Variants in ATP10D observed in about 807,000 individuals in gnomAD.
The protein encoded by ATP10D is phospholipid-transporting ATPase VD.
ATP10D carries 89 observed loss-of-function variants against 144.8 expected under a neutral mutation model. That is an observed-to-expected ratio of 0.61 (90% CI 0.52 to 0.73). The LOEUF is 0.73. Among genes scored for constraint, ATP10D ranks in the 30% least tolerant of loss-of-function variants. The pLI, the probability that ATP10D is intolerant of heterozygous loss-of-function variation, is 0.00. For missense variants in ATP10D, 1,603 were observed against 1,714.8 expected (o/e 0.93, Z 1.15); for synonymous variants, 571 against 615.1 (o/e 0.93, Z 1.06).
chr4:47,495,879 C>A (rs187360350), intron 1 of ATP10D, among the ~76,000 whole-genome samples: 51 of 151,716 alleles, frequency 3.4e-4, no homozygotes, highest in South Asian at 1.9e-3. Flanking sequence ...CTGGGATTAC[C>A]GGCATGCGCC....
At position 47,502,140 on chromosome 4, in the gene ATP10D, T is replaced by C. The variant is rs190415038; in HGVS notation, c.-37-10364T>C. ...TAGCCTAAACCAGCTTTGAGCCTAA[T>C]TATTCATAAACAGTGAATAATTGGA... On this transcript the variant is annotated intron_variant, in intron 1 of 22. Transcript: ENST00000273859. Among the ~76,000 whole-genome samples the C allele has an allele frequency of 3.9e-4, 59 of 152,292 alleles. No individual in the cohort carries two copies. The East Asian group carries it at 0.01, about 27-fold the overall frequency.
rs766733094 is a variant in ATP10D, at chr4:47,536,033, G to T, written c.1015G>T (p.Gly339Cys). 7 of 1,602,168 alleles carry T rather than the reference G, an allele frequency of 4.4e-6. No homozygotes were observed. The highest frequency in any genetic ancestry group is 3.5e-5 in the Admixed American group (2 of 56,932). ...LVIMCLTGAVGHGIWLSRYEK... is the reference protein window; with the variant it reads ...LVIMCLTGAVCHGIWLSRYEK... ...CATAATGTGCTTAACTGGCGCAGTA[G>T]GTAGGTAAAATTTGATTATTTGCTG... Residue 339 changes from glycine (G) to cysteine (C), a missense_variant and splice_region_variant, in exon 7 of 23, where the codon GGT (glycine) becomes TGT (cysteine). Physicochemically the swap from Gly to Cys is radical, Grantham distance 159. Transcript: ENST00000273859.
At position 47,591,051 on chromosome 4, in the gene ATP10D, C is replaced by T. The variant is rs761263984; in HGVS notation, c.3951C>T (p.Tyr1317=). 6.3e-7 allele frequency: 1 copy of T among 1,598,094 alleles called. No individual in the cohort carries two copies. Among genetic ancestry groups the T allele is most frequent in the South Asian group, 1.1e-5 (1 of 89,240 alleles). ...TSIALLPRFV[Y]RVLQGSLFPS... is the part of the protein sequence containing the mutation. ...GTTCCTTGTCACCTAGGTTTGTATA[C>T]AGAGTTCTTCAGGGATCCCTGTTTC... Residue 1317 remains tyrosine (Y), a synonymous_variant, in exon 23 of 23, where the codon TAC becomes TAT. Coordinates refer to ENST00000273859, the MANE Select transcript of ATP10D (RefSeq NM_020453.4).
intron 22 of ATP10D, among the ~76,000 whole-genome samples, chr4:47,587,419 A>C (rs1350196454): frequency 1.3e-5 from 2 of 152,100 alleles, no homozygotes; most frequent in African/African-American, 4.8e-5. Flanking sequence ...TCTCATGAAA[A>C]AGTTTATCTG....
intron 3 of ATP10D, among the ~76,000 whole-genome samples, chr4:47,516,168 TG>T (rs1304004750): frequency 6.6e-6 from 1 of 151,502 alleles, no homozygotes; most frequent in East Asian, 1.9e-4. Context: ...AGGGGGAGGT[TG>T]CAGTGAGCCG....
intron 4 of ATP10D, 26 bp downstream of exon 4, chr4:47,523,242 G>T (rs113184821): frequency 6.3e-7 from 1 of 1,583,262 alleles, no homozygotes; most frequent in Non-Finnish European, 8.7e-7. Flanking sequence ...TCAGTTAGTG[G>T]CTTATTAACA....
intron 16 of ATP10D, among the ~76,000 whole-genome samples, chr4:47,571,306 T>TATATATA: frequency 6.7e-6 from 1 of 148,480 alleles, no homozygotes; most frequent in East Asian, 1.9e-4. Flanking sequence ...TCATATACAT[T>TATATATA]ATATATAATA....
intron 1 of ATP10D, among the ~76,000 whole-genome samples, chr4:47,504,861 T>TA (rs1236445119): frequency 2.6e-5 from 4 of 152,242 alleles, no homozygotes; most frequent in Non-Finnish European, 5.9e-5. Context: ...AATCCATAGA[T>TA]ACGAAATTTC....
chr4:47,551,038 G>A (rs924880947), intron 10 of ATP10D, among the ~76,000 whole-genome samples: 2 of 152,222 alleles, frequency 1.3e-5, no homozygotes, highest in East Asian at 1.9e-4. Context: ...TGTCCCTCCC[G>A]CTGTCCTCTC....
At chr4:47,519,625 C>T (rs79652323) in intron 3 of ATP10D, among the ~76,000 whole-genome samples, 2 of 152,348 alleles carry the variant, frequency 1.3e-5, no homozygotes, top group East Asian at 3.9e-4. Context: ...TCCCACCGTG[C>T]TCTCTGAAGC....
At chr4:47,542,509 T>C (rs73140035) in intron 9 of ATP10D, among the ~76,000 whole-genome samples, 2,888 of 152,070 alleles carry the variant, frequency 0.019, 98 homozygotes, top group African/African-American at 0.064. Flanking sequence ...TGAGAAGGAG[T>C]CTAGTCTCGC....
chr4:47,535,470 G>A (rs750081812), intron 5 of ATP10D, 39 bp from the exon 6 acceptor site: 2 of 1,474,108 alleles, frequency 1.4e-6, no homozygotes, highest in Non-Finnish European at 1.9e-6. Flanking sequence ...CCCCACTTTT[G>A]CTGTTTAAAA....
chr4:47,504,026 A>T (rs554527776), intron 1 of ATP10D, among the ~76,000 whole-genome samples: 6 of 152,352 alleles, frequency 3.9e-5, no homozygotes, highest in African/African-American at 1.4e-4. Context: ...ATGTACTCCT[A>T]CTGGGGATTT....
chr4:47,587,402 A>G (rs1357042518), intron 22 of ATP10D, among the ~76,000 whole-genome samples, 196 bp downstream of exon 22: 1 of 152,130 alleles, frequency 6.6e-6, no homozygotes, highest in Non-Finnish European at 1.5e-5. Flanking sequence ...CGAGAGACTG[A>G]TTTATCTCTC....
At chr4:47,586,909 A>G (rs965169143) in intron 21 of ATP10D, 110 bp from the exon 22 acceptor site, 16 of 922,684 alleles carry the variant, frequency 1.7e-5, no homozygotes, top group Non-Finnish European at 2.3e-5. Flanking sequence ...TTGTTACACC[A>G]TTCATCCAGT....
At chr4:47,577,058 T>C in intron 19 of ATP10D, 85 bp downstream of exon 19, 1 of 1,195,820 alleles carries the variant, frequency 8.4e-7, no homozygotes, top group Non-Finnish European at 1.2e-6. Flanking sequence ...AATATTGCAG[T>C]CTACTCAGAA....
At chr4:47,572,252 A>C in intron 17 of ATP10D, 22 bp downstream of exon 17, 1 of 1,609,528 alleles carries the variant, frequency 6.2e-7, no homozygotes, top group Non-Finnish European at 8.5e-7. Context: ...TTGTGCACCC[A>C]AGTTCTGTGG....
chr4:47,547,062 C>A, intron 10 of ATP10D, 200 bp downstream of exon 10: 6 of 578,036 alleles, frequency 1.0e-5, no homozygotes, highest in Non-Finnish European at 1.5e-5. Context: ...AAAAATAACT[C>A]AATGTTGAGA....
intron 1 of ATP10D, among the ~76,000 whole-genome samples, chr4:47,507,700 A>G (rs961665830): frequency 3.3e-5 from 5 of 152,208 alleles, no homozygotes; most frequent in African/African-American, 1.2e-4. Flanking sequence ...CATAGAGAGG[A>G]ATTAGGTATG....
Sources: allele counts gnomAD v4.1 joint callset (sites outside exome capture counted in the v4.1 genomes callset), GRCh38; gene constraint gnomAD v4.1.1; transcripts MANE v1.5; gene names NCBI Gene and HGNC (gene_info 2026-07-23, HGNC 2026-07-21).